LGSN: variants seen among roughly 807,000 people sequenced by gnomAD.
The protein encoded by LGSN is lengsin.
A neutral mutation model predicts 19.5 loss-of-function variants in LGSN; 21 were observed. That is an observed-to-expected ratio of 1.07 (90% CI 0.76 to 1.55). The LOEUF (loss-of-function observed/expected upper bound fraction) is 1.55. Among genes scored for constraint, LGSN ranks in the 40% most tolerant of loss-of-function variants. LGSN has a pLI of 0.00. For synonymous variants in LGSN, 257 were observed against 215.6 expected, an observed-to-expected ratio of 1.19 and a Z score of -1.68; for missense variants, 673 against 608.5, an observed-to-expected ratio of 1.11 and a Z score of -1.12.
the LGSN span, among the ~76,000 whole-genome samples, chr6:63,368,416 G>A: frequency 0.13 from 19,842 of 152,118 alleles, 2,864 homozygotes; most frequent in African/African-American, 0.36. Flanking sequence ...TGTCCCCTCC[G>A]TTCCAGAAAT....
intron 1 of LGSN, among the ~76,000 whole-genome samples, chr6:63,310,233 T>C (rs894841337): frequency 6.6e-6 from 1 of 152,130 alleles, no homozygotes; most frequent in Non-Finnish European, 1.5e-5. Context: ...ACCTGCAGGG[T>C]GGTTTGATGT....
At chr6:63,331,850 C>T in the LGSN span, among the ~76,000 whole-genome samples, 76 of 152,216 alleles carry the variant, frequency 5.0e-4, no homozygotes, top group Admixed American at 9.2e-4. Context: ...CAAGAAAAAT[C>T]GGATTTAGTG....
chr6:63,517,192 G>T, the LGSN span, among the ~76,000 whole-genome samples: 3 of 151,968 alleles, frequency 2.0e-5, no homozygotes, highest in African/African-American at 7.3e-5. Flanking sequence ...TAACTATTCA[G>T]AAAAATAAAA....
intron 2 of LGSN, among the ~76,000 whole-genome samples, chr6:63,291,331 A>G (rs1767759092): frequency 6.6e-6 from 1 of 152,170 alleles, no homozygotes; most frequent in Non-Finnish European, 1.5e-5. Context: ...TCCGGAGTCC[A>G]GGAAGAAACA....
At chr6:63,488,774 C>T in the LGSN span, among the ~76,000 whole-genome samples, 10 of 151,794 alleles carry the variant, frequency 6.6e-5, no homozygotes, top group East Asian at 5.8e-4. Flanking sequence ...GCCGAGATCA[C>T]GCCACTGCAC....
At chr6:63,417,591 G>C in the LGSN span, among the ~76,000 whole-genome samples, 2 of 152,026 alleles carry the variant, frequency 1.3e-5, no homozygotes, top group Non-Finnish European at 2.9e-5. Context: ...CTCCTATCTG[G>C]ACCCTAACTA....
At chr6:63,536,489 G>A in the LGSN span, among the ~76,000 whole-genome samples, 2 of 152,162 alleles carry the variant, frequency 1.3e-5, no homozygotes, top group Non-Finnish European at 2.9e-5. Flanking sequence ...AACAAGATTA[G>A]ATTAGATTAA....
At chr6:63,554,488 C>G in the LGSN span, among the ~76,000 whole-genome samples, 1 of 152,104 alleles carries the variant, frequency 6.6e-6, no homozygotes, top group African/African-American at 2.4e-5. Context: ...CCATAGCACA[C>G]AATAAGGAAC....
At chr6:63,386,383 C>T in the LGSN span, among the ~76,000 whole-genome samples, 1 of 151,960 alleles carries the variant, frequency 6.6e-6, no homozygotes, top group African/African-American at 2.4e-5. Context: ...AGTTTTGGGG[C>T]TTTTTAATTT....
the LGSN span, among the ~76,000 whole-genome samples, chr6:63,493,396 T>C: frequency 1.3e-5 from 2 of 152,230 alleles, no homozygotes; most frequent in Non-Finnish European, 2.9e-5. Flanking sequence ...TTTCTTTCCC[T>C]TTTCCCAAAC....
chr6:63,451,452 G>T, the LGSN span, among the ~76,000 whole-genome samples: 4 of 152,176 alleles, frequency 2.6e-5, no homozygotes, highest in African/African-American at 7.2e-5. Context: ...GGCATGGGTG[G>T]AGCTAGAGGC....
the LGSN span, among the ~76,000 whole-genome samples, chr6:63,424,810 G>A: frequency 6.6e-6 from 1 of 152,084 alleles, no homozygotes; most frequent in Non-Finnish European, 1.5e-5. Flanking sequence ...TGTTTAGGAG[G>A]CTGAGGTGGG....
chr6:63,361,464 G>A, the LGSN span, among the ~76,000 whole-genome samples: 2 of 152,172 alleles, frequency 1.3e-5, no homozygotes, highest in Admixed American at 1.3e-4. Context: ...TCATGCGCAG[G>A]ATATAATCTC....
chr6:63,388,210 C>G, the LGSN span, among the ~76,000 whole-genome samples: 1 of 151,942 alleles, frequency 6.6e-6, no homozygotes, highest in African/African-American at 2.4e-5. Context: ...TATGGAGTAT[C>G]ATTTCGTAAT....
intron 1 of LGSN, among the ~76,000 whole-genome samples, chr6:63,297,094 C>T (rs1460350454): frequency 2.0e-5 from 3 of 152,100 alleles, no homozygotes; most frequent in African/African-American, 4.8e-5. Context: ...GTAATCCCAG[C>T]ACTTTGAGAG....
the LGSN span, among the ~76,000 whole-genome samples, chr6:63,495,456 CTTTTTTTTT>C: frequency 2.6e-5 from 2 of 77,758 alleles, no homozygotes; most frequent in African/African-American, 6.1e-5. Context: ...TTTTCTTTTT[CTTTTTTTTT>C]TTTTTTTTTT....
the LGSN span, among the ~76,000 whole-genome samples, chr6:63,406,783 A>G: frequency 6.6e-6 from 1 of 151,880 alleles, no homozygotes; most frequent in Admixed American, 6.6e-5. Context: ...ACTGCTAGCA[A>G]GACTAATAAA....
At chr6:63,331,095 T>C in the LGSN span, among the ~76,000 whole-genome samples, 1 of 151,250 alleles carries the variant, frequency 6.6e-6, no homozygotes, top group Non-Finnish European at 1.5e-5. Context: ...TTGTGGTCCT[T>C]TTGGAGATTT....
At chr6:63,406,167 C>G in the LGSN span, among the ~76,000 whole-genome samples, 294 of 152,276 alleles carry the variant, frequency 1.9e-3, no homozygotes, top group Non-Finnish European at 3.6e-3. Flanking sequence ...CAGCTCTGCA[C>G]CAAGCAGACC....
Sources: allele counts gnomAD v4.1 joint callset (sites outside exome capture counted in the v4.1 genomes callset), GRCh38; gene constraint gnomAD v4.1.1; transcripts MANE v1.5; gene names NCBI Gene and HGNC (gene_info 2026-07-23, HGNC 2026-07-21).